Variants in IL34 observed in about 807,000 individuals in gnomAD.
IL34 encodes the protein interleukin 34, also known as interleukin-34.
In IL34, 17 loss-of-function variants were observed where a neutral mutation model predicts 25.3. That is an observed-to-expected ratio of 0.67 (90% CI 0.46 to 1.01). The LOEUF (loss-of-function observed/expected upper bound fraction) is 1.01. Ranked by LOEUF, IL34 falls within the 50% of genes least tolerant of loss-of-function variation. IL34 has a pLI of 0.00. For synonymous variants in IL34, 174 were observed against 140.9 expected (o/e 1.23, Z -1.66); for missense variants, 368 against 312.9 (o/e 1.18, Z -1.33).
chr16:70,628,515 C>T (rs2051446220), intron 1 of IL34, among the ~76,000 whole-genome samples: 1 of 150,280 alleles, frequency 6.7e-6, no homozygotes, highest in Non-Finnish European at 1.5e-5. Flanking sequence ...GAGACAGAGT[C>T]TTGCTCTGTT....
intron 1 of IL34, among the ~76,000 whole-genome samples, chr16:70,640,603 G>A (rs1464302773): frequency 1.4e-5 from 2 of 144,988 alleles, no homozygotes; most frequent in Non-Finnish European, 3.0e-5. Context: ...CAGCCAGGGC[G>A]ACAGAGCAAG....
chr16:70,631,489 A>G (rs1313731547), intron 1 of IL34, among the ~76,000 whole-genome samples: 1 of 152,156 alleles, frequency 6.6e-6, no homozygotes, highest in Non-Finnish European at 1.5e-5. Context: ...TTTTTTTAAT[A>G]TGTTAAAAAC....
At chr16:70,603,194 A>C (rs1244478236) in intron 1 of IL34, among the ~76,000 whole-genome samples, 1 of 152,246 alleles carries the variant, frequency 6.6e-6, no homozygotes. Context: ...AGCCAGATGG[A>C]AGATTAGATA....
At chr16:70,618,560 A>C (rs957918091) in intron 1 of IL34, among the ~76,000 whole-genome samples, 6 of 152,220 alleles carry the variant, frequency 3.9e-5, no homozygotes, top group African/African-American at 1.4e-4. Flanking sequence ...ATGCAGCGGC[A>C]GCCGCTGCAC....
chr16:70,591,643 C>T (rs1260995942), intron 1 of IL34, among the ~76,000 whole-genome samples: 1 of 152,054 alleles, frequency 6.6e-6, no homozygotes, highest in Non-Finnish European at 1.5e-5. Flanking sequence ...CTGGCAGTCA[C>T]CTTGTATGGA....
chr16:70,629,425 C>G (rs771817188), intron 1 of IL34, among the ~76,000 whole-genome samples: 1 of 152,090 alleles, frequency 6.6e-6, no homozygotes, highest in African/African-American at 2.4e-5. Flanking sequence ...TACAGTTGTC[C>G]TTTTGTATAC....
At position 70,654,548 on chromosome 16, in the gene IL34, C is replaced by T. The variant is rs1193791730; in HGVS notation, c.39C>T (p.Ile13=). The T allele has an allele frequency of 6.2e-7, 1 of 1,609,944 alleles. No individual in the cohort carries two copies. The highest frequency in any genetic ancestry group is 8.5e-7 in the Non-Finnish European group (1 of 1,176,974). The stretch of plus-strand genomic sequence containing the variant: ...GGGTGTGGTCCACAGATCTTGGGAT[C>T]TTCCTTGGCGTGGCCTTGGGGAATG... ...RGFTWLRYLG[I]FLGVALGNEP... is the part of the protein sequence containing the mutation. The change falls in exon 2 of 6, where the codon ATC becomes ATT. Residue 13 remains isoleucine, a synonymous_variant. Coordinates refer to ENST00000288098, the MANE Select transcript of IL34 (RefSeq NM_001393494.1).
At chr16:70,637,777 T>A (rs2051689897) in intron 1 of IL34, among the ~76,000 whole-genome samples, 1 of 152,210 alleles carries the variant, frequency 6.6e-6, no homozygotes, top group African/African-American at 2.4e-5. Context: ...AATCTGACTT[T>A]TTTCAGAGAC....
chr16:70,604,509 T>C (rs950946059), intron 1 of IL34, among the ~76,000 whole-genome samples: 2 of 152,208 alleles, frequency 1.3e-5, no homozygotes, highest in African/African-American at 4.8e-5. Context: ...GGTGTCTGCC[T>C]AAGTCCCCAC....
chr16:70,658,784 A>C lies in IL34; in HGVS notation c.403-834A>C, dbSNP rs752382014. On this transcript the variant is annotated intron_variant, in intron 4 of 5. Transcript: ENST00000288098. The stretch of plus-strand genomic sequence containing the variant: ...CATTCCTGGCCGTCTCAGTCTTTTC[A>C]TGGCCTTCTGCCCTGTTTCCATGTC... Among the ~76,000 whole-genome samples the C allele has an allele frequency of 4.6e-5, 7 of 152,092 alleles. No individual in the cohort carries two copies. The South Asian group carries it at 1.5e-3, about 32-fold the overall frequency.
intron 1 of IL34, among the ~76,000 whole-genome samples, chr16:70,651,988 G>A (rs910735909): frequency 8.5e-5 from 13 of 152,072 alleles, no homozygotes; most frequent in African/African-American, 2.9e-4. Flanking sequence ...TTAGCTGGAT[G>A]TGGTGGCGCA....
intron 4 of IL34, 86 bp from the exon 5 acceptor site, chr16:70,659,532 A>G: frequency 6.8e-7 from 1 of 1,470,350 alleles, no homozygotes; most frequent in African/African-American, 1.4e-5. Flanking sequence ...GGGTTTGGGC[A>G]GCTCCAGGTG....
At chr16:70,656,007 T>C (rs913250195) in intron 2 of IL34, among the ~76,000 whole-genome samples, 1 of 152,256 alleles carries the variant, frequency 6.6e-6, no homozygotes, top group African/African-American at 2.4e-5. Flanking sequence ...ATCACCATCA[T>C]AGGTTTTAGA....
rs142246326 is a variant in IL34 at position 70,598,334 on chromosome 16, T to C, written c.-401+18285T>C. 2.2e-4 allele frequency among the ~76,000 whole-genome samples: 33 copies of C among 152,240 alleles called. No homozygotes were observed. In the East Asian group the frequency reaches 5.8e-3, roughly 27 times the overall value. ...GGTGTCCTGGCCTCTAGCTTTTGCCTCCAGTTCACCTTGCATATTAGTATT... is the reference window on the plus strand; with the variant it reads ...GGTGTCCTGGCCTCTAGCTTTTGCCCCCAGTTCACCTTGCATATTAGTATT... On this transcript the variant is annotated intron_variant, in intron 1 of 6. Coordinates refer to the IL34 transcript ENST00000429149.
At chr16:70,647,870 C>A (rs1160425897) in intron 1 of IL34, among the ~76,000 whole-genome samples, 1 of 152,144 alleles carries the variant, frequency 6.6e-6, no homozygotes, top group Admixed American at 6.5e-5. Context: ...TCTGGAAACC[C>A]CTAGGTCATG....
At chr16:70,634,073 A>C (rs373669522) in intron 1 of IL34, among the ~76,000 whole-genome samples, 57 of 151,928 alleles carry the variant, frequency 3.8e-4, no homozygotes, top group African/African-American at 1.4e-3. Flanking sequence ...CTAGTCTCAA[A>C]CACCTGACCT....
chr16:70,605,969 G>GT (rs77101515), intron 1 of IL34, among the ~76,000 whole-genome samples: 3,346 of 123,154 alleles, frequency 0.027, 47 homozygotes, highest in African/African-American at 0.033. Flanking sequence ...ACCGCACCTG[G>GT]TTTTTTTTTT....
intron 1 of IL34, among the ~76,000 whole-genome samples, chr16:70,626,896 A>G (rs778097533): frequency 1.3e-5 from 2 of 152,178 alleles, no homozygotes; most frequent in African/African-American, 4.8e-5. Context: ...ATTTGAGTCT[A>G]TTTCAGAACT....
In IL34 at chr16:70,603,515, T is replaced by C. The variant is rs544400883; in HGVS notation, c.-401+23466T>C. On this transcript the variant is annotated intron_variant, in intron 1 of 6. Transcript: ENST00000429149. ...CTGGTCTCGAACTCCTGACCTCAGG[T>C]GATCCACCCGCCTCAGCCTCCCAGA... 9.9e-5 allele frequency among the ~76,000 whole-genome samples: 15 copies of C among 152,148 alleles called. 1 individual carries two copies. Among genetic ancestry groups the C allele is most frequent in the Middle Eastern group, 6.8e-3 (2 of 294 alleles).
Sources: allele counts gnomAD v4.1 joint callset (sites outside exome capture counted in the v4.1 genomes callset), GRCh38; gene constraint gnomAD v4.1.1; transcripts MANE v1.5; gene names NCBI Gene and HGNC (gene_info 2026-07-23, HGNC 2026-07-21).